The following MYBBP1A variants were observed in gnomAD, a reference collection of about 807,000 sequenced individuals.
MYBBP1A encodes MYB binding protein 1a, also known as myb-binding protein 1A.
In MYBBP1A, 147 loss-of-function variants were observed where a neutral mutation model predicts 136.3. That is an observed-to-expected ratio of 1.08 (90% CI 0.94 to 1.24). The LOEUF (loss-of-function observed/expected upper bound fraction) is 1.24. MYBBP1A is among the 50% of genes most tolerant of loss of function. The probability of loss-of-function intolerance (pLI) is 0.00; values close to 1 mark genes in which losing one functional copy is unlikely to be tolerated. For synonymous variants in MYBBP1A, 947 were observed against 735.8 expected (o/e 1.29, Z -4.65); for missense variants, 2,060 against 1,727.4 (o/e 1.19, Z -3.41).
chr17:4,539,966 G>A lies in MYBBP1A; in HGVS notation c.3436C>T (p.Arg1146Cys), dbSNP rs145693408. Residue 1146 changes from arginine to cysteine, a missense_variant and splice_region_variant, in exon 26 of 26, where the codon CGC becomes TGC. Coordinates refer to ENST00000254718, the MANE Select transcript of MYBBP1A (RefSeq NM_014520.4). Reference protein sequence around the residue: ...WQAMKTLGVQRPKLEKKDAKE... With the variant: ...WQAMKTLGVQCPKLEKKDAKE... ...GCATCCTTCTTCTCCAACTTGGGGC[G>A]CCTGAAGGGAAGTGAGCAAGGTTAG... The A allele has an allele frequency of 1.7e-4, 269 of 1,597,872 alleles. No individual in the cohort carries two copies. Among genetic ancestry groups the A allele is most frequent in the African/African-American group, 3.9e-4 (29 of 74,960 alleles).
chr17:4,541,971 G>T, intron 22 of MYBBP1A, 80 bp from the exon 23 acceptor site: 3 of 1,090,566 alleles, frequency 2.8e-6, no homozygotes, highest in East Asian at 2.5e-5. Flanking sequence ...GGGCTCGGGG[G>T]CCCGCTGGGC....
intron 8 of MYBBP1A, among the ~76,000 whole-genome samples, chr17:4,550,830 C>T (rs1597387920): frequency 6.6e-6 from 1 of 152,270 alleles, no homozygotes; most frequent in African/African-American, 2.4e-5. Flanking sequence ...TGCCAGCACC[C>T]GCGCTCCGCC....
Position 4,544,765 on chromosome 17 carries a change from C to T in MYBBP1A, c.2467G>A (p.Asp823Asn), listed in dbSNP as rs551569281. ...CCCAGGCTCACCCGGATCTGGAAGT[C>T]GCGCCGCAGAGCCTTCTCCTTCTGC... Reference protein sequence around the residue: ...KLQKEKALRRDFQIRVLDLVE... With the variant: ...KLQKEKALRRNFQIRVLDLVE... Residue 823 changes from aspartate to asparagine, a missense_variant, in exon 18 of 26, where the codon GAC becomes AAC. Physicochemically the swap from Asp to Asn is conservative, Grantham distance 23. Transcript: ENST00000254718. The T allele has an allele frequency of 7.0e-6, 11 of 1,568,984 alleles. No individual in the cohort carries two copies. Among genetic ancestry groups the T allele is most frequent in the African/African-American group, 1.4e-5 (1 of 72,976 alleles).
At chr17:4,547,523 G>A (rs1597384822) in intron 13 of MYBBP1A, among the ~76,000 whole-genome samples, 1 of 152,204 alleles carries the variant, frequency 6.6e-6, no homozygotes, top group African/African-American at 2.4e-5. Context: ...GCCCCAATAA[G>A]AGCAGCTTAT....
intron 17 of MYBBP1A, 51 bp from the exon 18 acceptor site, chr17:4,544,972 A>G (rs1222336680): frequency 6.4e-7 from 1 of 1,552,526 alleles, no homozygotes; most frequent in Non-Finnish European, 8.7e-7. Context: ...GGCACACAAC[A>G]TGGGGACACC....
intron 19 of MYBBP1A, among the ~76,000 whole-genome samples, chr17:4,543,596 G>A (rs934746516): frequency 2.0e-5 from 3 of 152,132 alleles, no homozygotes; most frequent in South Asian, 2.1e-4. Flanking sequence ...CACTGTCCAC[G>A]CACGCTGGCA....
At position 4,541,786 on chromosome 17, in the gene MYBBP1A, C is replaced by T. The variant is rs1315140002; in HGVS notation, c.3193G>A (p.Glu1065Lys). 4.3e-6 allele frequency: 7 copies of T among 1,613,790 alleles called. No homozygotes were observed. Among genetic ancestry groups the T allele is most frequent in the South Asian group, 2.2e-5 (2 of 91,090 alleles). The change falls in exon 23 of 26, where the codon GAG (glutamate) becomes AAG (lysine). Residue 1065 changes from glutamate (E) to lysine (K), a missense_variant and splice_region_variant. Physicochemically the swap from Glu to Lys is moderately conservative, Grantham distance 56 (BLOSUM62 1). Coordinates refer to ENST00000254718, the MANE Select transcript of MYBBP1A (RefSeq NM_014520.4). ...AAAGGGCGCCCCCCGGCTGTTACCT[C>T]GGTGACCTTTGCTAGGACCTGGCCC... is the stretch of plus-strand genomic sequence containing the variant. ...LMGQVLAKVT[E>K]NLRVLGEAQT...
intron 25 of MYBBP1A, 102 bp downstream of exon 25, chr17:4,540,246 T>A (rs1335485889): frequency 4.3e-6 from 6 of 1,398,360 alleles, no homozygotes; most frequent in Middle Eastern, 1.9e-4. Flanking sequence ...GCGTGTGCAG[T>A]GTGCGTGTGC....
chr17:4,542,411 T>A (rs1391113576), intron 22 of MYBBP1A, 53 bp downstream of exon 22: 1 of 1,545,102 alleles, frequency 6.5e-7, no homozygotes, highest in South Asian at 1.2e-5. Context: ...CAGAAGAGGG[T>A]TAAGCGGGTT....
At position 4,545,094 on chromosome 17, in the gene MYBBP1A, GCTC is replaced by G. The variant is rs779065720; in HGVS notation, c.2239_2241del (p.Glu747del). 5 of 1,594,686 alleles carry G rather than the reference GCTC, an allele frequency of 3.1e-6. No homozygotes were observed. The highest frequency in any genetic ancestry group is 2.2e-5 in the South Asian group (2 of 89,198). On this transcript the variant is annotated inframe_deletion, in exon 17 of 26. Transcript: ENST00000254718. ...AAGCCCTGATCCACGTCCCCGTCGC[GCTC>G]CTCCTCCTCGCTCTCCTCCCCCTCG...
rs1449406016 is a variant in MYBBP1A at position 4,549,323 on chromosome 17, A to G, written c.1430+9T>C. ...CCATGGGAAGCTGGGAATCCAGCAC[A>G]GCTCGCACCTGGCCACCTGCTCAGT... On this transcript the variant is annotated intron_variant, in intron 10 of 25. Transcript: ENST00000254718. 12 of 1,608,868 alleles carry G rather than the reference A, an allele frequency of 7.5e-6. No homozygotes were observed. The highest frequency in any genetic ancestry group is 1.0e-5 in the Non-Finnish European group (12 of 1,179,410).
In MYBBP1A at chr17:4,543,134, G is replaced by A. The variant is rs1322694877; in HGVS notation, c.2671C>T (p.His891Tyr). ...GCCCCTGCGCGCTCACCCAAGTCGT[G>A]GCAGTAGCGCCGGGCACGGCACAGG... is the stretch of plus-strand genomic sequence containing the variant. ...HHLCRARRYC[H>Y]DLGERAGALH... The change falls in exon 20 of 26, where the codon CAC becomes TAC. Residue 891 changes from histidine (H) to tyrosine (Y), a missense_variant. Coordinates refer to ENST00000254718, the MANE Select transcript of MYBBP1A (RefSeq NM_014520.4). 6 of 1,610,378 alleles carry A rather than the reference G, an allele frequency of 3.7e-6. No homozygotes were observed. The African/African-American group carries it at 8.0e-5, about 22-fold the overall frequency.
In MYBBP1A at chr17:4,548,012, G is replaced by A. The variant is rs145405468; in HGVS notation, c.1770C>T (p.Ala590=). The change falls in exon 13 of 26, where the codon GCC becomes GCT. Residue 590 remains alanine, a synonymous_variant. Transcript: ENST00000254718. The surrounding 1 kb of genome is among the most constrained non-coding windows in gnomAD (Gnocchi z 4.2). The part of the protein sequence containing the change: ...LKELEAHSAE[A]RAAAFQHLLL... ...GAAGGTGCTGGAAGGCAGCAGCCCT[G>A]GCCTCTGCGGAGTGGGCCTCCAGCT... 1.9e-6 allele frequency: 3 copies of A among 1,545,654 alleles called. No individual in the cohort carries two copies. Among genetic ancestry groups the A allele is most frequent in the Non-Finnish European group, 2.6e-6 (3 of 1,144,480 alleles).
rs1906567367 is a variant in MYBBP1A, at chr17:4,542,718, G to C, written c.2916C>G (p.Asn972Lys). Residue 972 changes from asparagine to lysine, a missense_variant, in exon 21 of 26, where the codon AAC becomes AAG. Transcript: ENST00000254718. ...CTGTCGAGTACACCCGGGTCACCAG[G>C]TTCAAGTCCAAGCAGCTGGCAGCCT... ...GPQAASCLDLNLVTRVYSTAL... is the reference protein window; with the variant it reads ...GPQAASCLDLKLVTRVYSTAL... 1.2e-6 allele frequency: 2 copies of C among 1,613,812 alleles called. No individual in the cohort carries two copies. The highest frequency in any genetic ancestry group is 1.7e-6 in the Non-Finnish European group (2 of 1,179,934).
Position 4,552,351 on chromosome 17 carries a change from AG to A in MYBBP1A, c.738-60del. 15 of 1,607,532 alleles carry A rather than the reference AG, an allele frequency of 9.3e-6. 1 individual carries two copies. In the South Asian group the frequency reaches 1.7e-4, roughly 18 times the overall value. Reference sequence around the variant, plus strand: ...CTCACAGGCAAGGGCCAGGGTGACAAGAGCAGCCGGGACACCCCCAGGCCAA... The same window carrying A: ...CTCACAGGCAAGGGCCAGGGTGACAAAGCAGCCGGGACACCCCCAGGCCAA... On this transcript the variant is annotated intron_variant, in intron 6 of 25. Transcript: ENST00000254718. The surrounding 1 kb of genome is among the most constrained non-coding windows in gnomAD (Gnocchi z 4.7).
chr17:4,546,649 C>T (rs1328371596), intron 13 of MYBBP1A, among the ~76,000 whole-genome samples: 1 of 152,222 alleles, frequency 6.6e-6, no homozygotes, highest in African/African-American at 2.4e-5. Context: ...TTAGTTTTAA[C>T]TAATTTAATT....
chr17:4,552,935 G>A lies in MYBBP1A; in HGVS notation c.562-309C>T, dbSNP rs544734212. On this transcript the variant is annotated intron_variant, in intron 5 of 25. Transcript: ENST00000254718. This position sits in a 1 kb window ranked among gnomAD's most constrained non-coding sequence, Gnocchi z 4.7. Reference sequence around the variant, plus strand: ...TGCAACCTCCGCCTCCCAGGTTGAAGCAATTCTCCTGCCTCAGGTGGGATT... The same window carrying A: ...TGCAACCTCCGCCTCCCAGGTTGAAACAATTCTCCTGCCTCAGGTGGGATT... Among the ~76,000 whole-genome samples the A allele has an allele frequency of 6.6e-6, 1 of 151,854 alleles. No homozygotes were observed. The highest frequency in any genetic ancestry group is 2.4e-5 in the African/African-American group (1 of 41,384).
chr17:4,554,208 T>C lies in MYBBP1A; in HGVS notation c.365A>G (p.His122Arg), dbSNP rs1403689529. 1.2e-6 allele frequency: 2 copies of C among 1,614,086 alleles called. No individual in the cohort carries two copies. The highest frequency in any genetic ancestry group is 1.7e-6 in the Non-Finnish European group (2 of 1,180,008). ...LQQIQEKYDL[H>R]QVKKAMLRPA... Reference sequence around the variant, plus strand: ...CCCCACTCTCACCTTCTTCACCTGATGCAGGTCATATTTTTCTTGTATCTG... The same window carrying C: ...CCCCACTCTCACCTTCTTCACCTGACGCAGGTCATATTTTTCTTGTATCTG... The change falls in exon 3 of 26, where the codon CAT becomes CGT. Residue 122 changes from histidine to arginine, a missense_variant. By Grantham distance (29) the His-to-Arg change is conservative. Coordinates refer to ENST00000254718, the MANE Select transcript of MYBBP1A (RefSeq NM_014520.4).
chr17:4,551,270 C>G (rs1907478718), intron 8 of MYBBP1A, among the ~76,000 whole-genome samples: 1 of 152,238 alleles, frequency 6.6e-6, no homozygotes, highest in Admixed American at 6.5e-5. Context: ...TTACTGGGCA[C>G]CAGGCTCACT....
Sources: allele counts gnomAD v4.1 joint callset (sites outside exome capture counted in the v4.1 genomes callset), GRCh38; gene constraint gnomAD v4.1.1; non-coding constraint Gnocchi (gnomAD v3.1); transcripts MANE v1.5; gene names NCBI Gene and HGNC (gene_info 2026-07-23, HGNC 2026-07-21).